Variants in MDM4 observed in about 807,000 individuals in gnomAD.
MDM4 encodes the protein protein Mdm4.
In MDM4, 2 loss-of-function variants were observed where a neutral mutation model predicts 60.2. The observed-to-expected ratio is 0.03, with a 90% CI of 0.01 to 0.10. The LOEUF is 0.10. Ranked by LOEUF, MDM4 falls within the 10% of genes least tolerant of loss-of-function variation. The pLI, the probability that MDM4 is intolerant of heterozygous loss-of-function variation, is 1.00. For synonymous variants in MDM4, 202 were observed against 198.1 expected, an observed-to-expected ratio of 1.02 and a Z score of -0.17; for missense variants, 447 against 577.5, an observed-to-expected ratio of 0.77 and a Z score of 2.32.
intron 7 of MDM4, among the ~76,000 whole-genome samples, chr1:204,541,288 G>A (rs1003007254): frequency 1.3e-5 from 2 of 152,040 alleles, no homozygotes; most frequent in Non-Finnish European, 2.9e-5. Flanking sequence ...GCGAGACCTC[G>A]TCTCTACAAA....
chr1:204,528,979 G>C (rs905766264), intron 3 of MDM4: 15 of 1,540,004 alleles, frequency 9.7e-6, no homozygotes, highest in Non-Finnish European at 1.3e-5. Context: ...AAGCAATCAA[G>C]CTGTCTGGCA....
At chr1:204,517,368 C>T (rs1659091026) in intron 1 of MDM4, among the ~76,000 whole-genome samples, 1 of 151,990 alleles carries the variant, frequency 6.6e-6, no homozygotes, top group Admixed American at 6.6e-5. Flanking sequence ...TACCTTAAAG[C>T]TTGAAAACCA....
At chr1:204,532,315 CAAAG>C (rs1553321940) in intron 5 of MDM4, 69 bp downstream of exon 5, 2 of 992,034 alleles carry the variant, frequency 2.0e-6, no homozygotes, top group South Asian at 1.4e-5. Context: ...GATGGGAAAA[CAAAG>C]AAGATGAAGG....
chr1:204,524,099 T>C (rs1659864766), intron 1 of MDM4, among the ~76,000 whole-genome samples: 1 of 152,164 alleles, frequency 6.6e-6, no homozygotes, highest in Admixed American at 6.5e-5. Flanking sequence ...GGGGGTTGTT[T>C]ACTGAAACGA....
Position 204,557,229 on chromosome 1 carries a change from C to G in MDM4, c.*7547C>G. The G allele has an allele frequency of 5.2e-6, 1 of 193,258 alleles. No individual in the cohort carries two copies. 12.0% of individuals were successfully genotyped at this position (193,258 alleles called of 1,614,324 possible). A position where few individuals can be genotyped will look rare whatever the true frequency, so the allele number is the denominator to read the frequency against. On this transcript the variant is annotated 3_prime_UTR_variant, in exon 11 of 11. Coordinates refer to ENST00000367182, the MANE Select transcript of MDM4 (RefSeq NM_002393.5). The stretch of plus-strand genomic sequence containing the variant: ...CCCTTTATTGCCTGCCTGGCAGAGC[C>G]TGTTTGATTACTGCAGGCCCTTTTA...
At chr1:204,528,938 C>G in intron 3 of MDM4, 1 of 1,585,952 alleles carries the variant, frequency 6.3e-7, no homozygotes. Flanking sequence ...AGGCCTCTGT[C>G]GGCATCTGCA....
Position 204,546,786 on chromosome 1 carries a change from TGCC to T in MDM4, c.823-10_823-8del. On this transcript the variant is annotated splice_polypyrimidine_tract_variant and splice_region_variant and intron_variant, in intron 9 of 10. Transcript: ENST00000367182. ...GTAAACATTACTAATGAGATGTTTTTGCCTTCACAGGTGATTGAAGTGGGAAAA... is the reference window on the plus strand; with the variant it reads ...GTAAACATTACTAATGAGATGTTTTTTTCACAGGTGATTGAAGTGGGAAAA... 6.3e-7 allele frequency: 1 copy of T among 1,593,538 alleles called. No homozygotes were observed. The highest frequency in any genetic ancestry group is 1.3e-5 in the African/African-American group (1 of 74,426).
At chr1:204,528,698 A>G (rs1485307667) in intron 3 of MDM4, 8 of 608,964 alleles carry the variant, frequency 1.3e-5, no homozygotes, top group African/African-American at 5.5e-5. Context: ...AGGACTCTCA[A>G]CCCTCTTTTG....
chr1:204,516,751 G>A (rs937457283), intron 1 of MDM4, among the ~76,000 whole-genome samples: 3 of 152,210 alleles, frequency 2.0e-5, no homozygotes, highest in Non-Finnish European at 4.4e-5. Flanking sequence ...TTGGCCAACA[G>A]GTGACAAACC....
At chr1:204,546,934 C>A in intron 10 of MDM4, 57 bp downstream of exon 10, 2 of 1,095,680 alleles carry the variant, frequency 1.8e-6, no homozygotes, top group Non-Finnish European at 1.4e-6. Flanking sequence ...ATGATGTAAT[C>A]CCAGCAGTTC....
intron 3 of MDM4, among the ~76,000 whole-genome samples, chr1:204,526,943 A>G (rs1235435402): frequency 1.3e-5 from 2 of 152,190 alleles, no homozygotes; most frequent in African/African-American, 4.8e-5. Context: ...TAAGATAAAC[A>G]TAAGATGAAC....
In MDM4 at chr1:204,556,182, TA is replaced by T. The variant is rs763430365; in HGVS notation, c.*6501del. The T allele has an allele frequency of 3.5e-5, 8 of 226,130 alleles. No homozygotes were observed. The highest frequency in any genetic ancestry group is 5.3e-5 in the Non-Finnish European group (6 of 113,568). 14.0% of individuals were successfully genotyped at this position (226,130 alleles called of 1,614,324 possible). A position where few individuals can be genotyped will look rare whatever the true frequency, so the allele number is the denominator to read the frequency against. On this transcript the variant is annotated 3_prime_UTR_variant, in exon 11 of 11. Coordinates refer to ENST00000367182, the MANE Select transcript of MDM4 (RefSeq NM_002393.5). ...TTATCTTATTTCTGGATATTGCTTT[TA>T]TACCAAAGACCCTTATCAGCCCTTG...
chr1:204,518,600 A>C (rs1174414760), intron 1 of MDM4, among the ~76,000 whole-genome samples: 1 of 151,842 alleles, frequency 6.6e-6, no homozygotes, highest in Non-Finnish European at 1.5e-5. Flanking sequence ...TGTGTGAATG[A>C]CCCTCTTTTA....
chr1:204,532,910 TG>T, intron 5 of MDM4: 1 of 1,497,450 alleles, frequency 6.7e-7, no homozygotes, highest in Non-Finnish European at 9.1e-7. Context: ...TTAAATTTTT[TG>T]CCAAGAAAGC....
At chr1:204,546,301 C>T (rs1032571502) in intron 9 of MDM4, among the ~76,000 whole-genome samples, 5 of 152,138 alleles carry the variant, frequency 3.3e-5, no homozygotes, top group South Asian at 4.2e-4. Context: ...CTCTTGGGCT[C>T]AAGCGATTCT....
In MDM4 at chr1:204,557,803, C is replaced by G; in HGVS notation, c.*8121C>G. On this transcript the variant is annotated 3_prime_UTR_variant, in exon 11 of 11. Transcript: ENST00000367182. ...CCAAATATTTCCGATCAGAGAATCA[C>G]AAGAGCAGCAAATGTGGTTTCATCA... 5.3e-6 allele frequency: 1 copy of G among 189,270 alleles called. No individual in the cohort carries two copies. Among genetic ancestry groups the G allele is most frequent in the Non-Finnish European group, 1.1e-5 (1 of 90,102 alleles). The allele number at this position is 189,270 out of a possible 1,614,324, so 11.7% of individuals were successfully genotyped here.
At chr1:204,531,430 G>T (rs1020889824) in intron 4 of MDM4, among the ~76,000 whole-genome samples, 1 of 152,164 alleles carries the variant, frequency 6.6e-6, no homozygotes, top group Non-Finnish European at 1.5e-5. Flanking sequence ...GCTGCATGGG[G>T]TGTAAGTTAT....
At chr1:204,537,665 A>G (rs563077777) in intron 6 of MDM4, among the ~76,000 whole-genome samples, 168 bp downstream of exon 6, 3 of 152,306 alleles carry the variant, frequency 2.0e-5, no homozygotes, top group East Asian at 3.9e-4. Context: ...TGTTCTGCCC[A>G]TAACAGAGTT....
At chr1:204,543,896 G>A (rs1400570909) in intron 8 of MDM4, among the ~76,000 whole-genome samples, 2 of 152,090 alleles carry the variant, frequency 1.3e-5, no homozygotes, top group African/African-American at 2.4e-5. Context: ...CCATTACCTG[G>A]TACCTAGAAC....
Sources: gnomAD v4.1 joint callset for allele counts (sites outside exome capture counted in the v4.1 genomes callset) on GRCh38, gnomAD v4.1.1 for gene constraint, MANE v1.5 for transcripts, NCBI Gene and HGNC (gene_info 2026-07-23, HGNC 2026-07-21) for gene names.